Variants in LECT2 observed in about 807,000 individuals in gnomAD.
The protein encoded by LECT2 is leukocyte cell derived chemotaxin 2, also known as leukocyte cell-derived chemotaxin-2.
In LECT2, 11 loss-of-function variants were observed where a neutral mutation model predicts 16.6. That is an observed-to-expected ratio of 0.66 (90% CI 0.42 to 1.09). The LOEUF is 1.09. Ranked by LOEUF, LECT2 falls within the 50% of genes least tolerant of loss-of-function variation. LECT2 has a pLI of 0.00. For missense variants in LECT2, 173 were observed against 184.2 expected (o/e 0.94, Z 0.35); for synonymous variants, 54 against 64.8 (o/e 0.83, Z 0.80).
chr5:135,952,790 A>G, intron 2 of LECT2, 81 bp downstream of exon 2: 2 of 919,140 alleles, frequency 2.2e-6, no homozygotes, highest in South Asian at 1.4e-5. Context: ...TGAGCCCTTG[A>G]GGCAACCAAC....
At chr5:135,950,895 T>A (rs765182266) in intron 3 of LECT2, 12 of 374,114 alleles carry the variant, frequency 3.2e-5, no homozygotes, top group Non-Finnish European at 4.8e-6. Flanking sequence ...TGGTGAAACG[T>A]CCTTGAAAGT....
intron 2 of LECT2, among the ~76,000 whole-genome samples, chr5:135,951,765 A>G (rs539800589): frequency 1.3e-5 from 2 of 152,268 alleles, no homozygotes; most frequent in African/African-American, 4.8e-5. Flanking sequence ...AAAGTATCAC[A>G]TGTTACCCTA....
rs1580671583 is a variant in LECT2 at position 135,947,263 on chromosome 5, G to T, written c.*68C>A. On this transcript the variant is annotated 3_prime_UTR_variant, in exon 4 of 4. Coordinates refer to ENST00000274507, the MANE Select transcript of LECT2 (RefSeq NM_002302.3). Reference sequence around the variant, plus strand: ...CCTTTGTGAACACAAATTTCTTGAAGAGAAGGGTATGCATCCAGGTTTTTA... The same window carrying T: ...CCTTTGTGAACACAAATTTCTTGAATAGAAGGGTATGCATCCAGGTTTTTA... 2 of 1,446,086 alleles carry T rather than the reference G, an allele frequency of 1.4e-6. No individual in the cohort carries two copies. Among genetic ancestry groups the T allele is most frequent in the Non-Finnish European group, 1.9e-6 (2 of 1,047,578 alleles). 89.6% of individuals were successfully genotyped at this position (1,446,086 alleles called of 1,614,324 possible).
intron 3 of LECT2, among the ~76,000 whole-genome samples, chr5:135,948,549 CAA>C (rs1479758285): frequency 2.6e-5 from 4 of 151,552 alleles, no homozygotes; most frequent in Non-Finnish European, 5.9e-5. Context: ...TAAAATATCT[CAA>C]TAATTTTTGT....
chr5:135,954,731 C>T (rs1763838213), intron 1 of LECT2, 57 bp downstream of exon 1: 2 of 1,219,770 alleles, frequency 1.6e-6, no homozygotes, highest in Admixed American at 1.7e-5. Flanking sequence ...TTTAGTCTTC[C>T]CCTGAAATCA....
At chr5:135,951,193 C>T (rs1471907976) in intron 3 of LECT2, 30 bp downstream of exon 3, 2 of 1,607,538 alleles carry the variant, frequency 1.2e-6, no homozygotes, top group African/African-American at 1.3e-5. Flanking sequence ...CTCCAGGAGG[C>T]ACCCCAGGTG....
chr5:135,951,393 G>C (rs1433418439), intron 2 of LECT2, 25 bp from the exon 3 acceptor site: 21 of 1,607,016 alleles, frequency 1.3e-5, no homozygotes, highest in Non-Finnish European at 1.7e-5. Flanking sequence ...AGAACGAACA[G>C]ACTGAGGAAC....
chr5:135,953,199 G>T (rs978882453), intron 1 of LECT2: 23 of 457,750 alleles, frequency 5.0e-5, no homozygotes, highest in Non-Finnish European at 8.6e-5. Flanking sequence ...GAGTATCAGT[G>T]AATACAATTT....
chr5:135,949,636 A>G (rs546368498), intron 3 of LECT2, among the ~76,000 whole-genome samples: 2 of 152,348 alleles, frequency 1.3e-5, no homozygotes, highest in Non-Finnish European at 2.9e-5. Context: ...GCTAGAAGTA[A>G]GGTTTACAGT....
rs888949746 is a variant in LECT2 at position 135,946,943 on chromosome 5, G to C, written c.*388C>G. 1 of 153,750 alleles carries C rather than the reference G, an allele frequency of 6.5e-6. No individual in the cohort carries two copies. The highest frequency in any genetic ancestry group is 2.4e-5 in the African/African-American group (1 of 41,400). The allele number at this position is 153,750 out of a possible 1,614,324, so 9.5% of individuals were successfully genotyped here. A position where few individuals can be genotyped will look rare whatever the true frequency, so the allele number is the denominator to read the frequency against. Reference sequence around the variant, plus strand: ...CTTGTTTATTTATCTTAGATCTTCGGGACTGAGAAATCTAAAAAATAAAAC... The same window carrying C: ...CTTGTTTATTTATCTTAGATCTTCGCGACTGAGAAATCTAAAAAATAAAAC... On this transcript the variant is annotated 3_prime_UTR_variant, in exon 4 of 4. Transcript: ENST00000274507.
At chr5:135,951,459 C>T (rs1468172926) in intron 2 of LECT2, 91 bp from the exon 3 acceptor site, 14 of 1,240,692 alleles carry the variant, frequency 1.1e-5, no homozygotes, top group African/African-American at 7.5e-5. Flanking sequence ...TGTTTGCAGA[C>T]GAGGTACCAA....
chr5:135,947,574 CAA>C, intron 3 of LECT2, 77 bp from the exon 4 acceptor site: 1 of 1,334,498 alleles, frequency 7.5e-7, no homozygotes, highest in Non-Finnish European at 9.8e-7. Flanking sequence ...AACAAATGGA[CAA>C]AAAATAAAAA....
Position 135,950,871 on chromosome 5 carries a change from G to A in LECT2, c.289+352C>T, listed in dbSNP as rs138224195. 122 of 341,898 alleles carry A rather than the reference G, an allele frequency of 3.6e-4. 3 individuals are homozygous for A. Among genetic ancestry groups the A allele is most frequent in the African/African-American group, 2.3e-3 (112 of 47,716 alleles). 21.2% of individuals were successfully genotyped at this position (341,898 alleles called of 1,614,324 possible). The stretch of plus-strand genomic sequence containing the variant: ...CGTGAAGTGTGTGCATGAAGCAGAA[G>A]TTTTCAGAGAAAATGGTGAAACGTC... On this transcript the variant is annotated intron_variant, in intron 3 of 3. Coordinates refer to ENST00000274507, the MANE Select transcript of LECT2 (RefSeq NM_002302.3).
chr5:135,947,525 T>A (rs768265588), intron 3 of LECT2, 28 bp from the exon 4 acceptor site: 5 of 1,539,050 alleles, frequency 3.2e-6, no homozygotes, highest in East Asian at 4.5e-5. Flanking sequence ...TAATTATTTA[T>A]CTGGGCTTCA....
chr5:135,954,345 C>G (rs576837172), intron 1 of LECT2, among the ~76,000 whole-genome samples: 132 of 152,338 alleles, frequency 8.7e-4, no homozygotes, highest in African/African-American at 3.1e-3. Flanking sequence ...AGGCAAATAT[C>G]AGACAGTGTA....
intron 1 of LECT2, among the ~76,000 whole-genome samples, chr5:135,953,692 G>A (rs1159796320): frequency 6.6e-6 from 1 of 152,098 alleles, no homozygotes; most frequent in African/African-American, 2.4e-5. Context: ...ATTTTGAAAT[G>A]GTTAGTTCCA....
intron 2 of LECT2, 200 bp from the exon 3 acceptor site, chr5:135,951,568 A>T (rs1763797814): frequency 2.0e-6 from 1 of 498,820 alleles, no homozygotes; most frequent in African/African-American, 1.9e-5. Flanking sequence ...TAACCATATC[A>T]TAAAGATGAA....
chr5:135,949,092 A>G (rs1763748776), intron 3 of LECT2, among the ~76,000 whole-genome samples: 1 of 152,190 alleles, frequency 6.6e-6, no homozygotes, highest in Non-Finnish European at 1.5e-5. Context: ...AAAGATGTGC[A>G]AGACCTCTAC....
intron 3 of LECT2, among the ~76,000 whole-genome samples, chr5:135,948,788 C>T (rs1763741901): frequency 6.6e-6 from 1 of 151,760 alleles, no homozygotes; most frequent in Admixed American, 6.6e-5. Flanking sequence ...CATTCTCCTG[C>T]CTCAGCCTCC....
Sources: gnomAD v4.1 joint callset for allele counts (sites outside exome capture counted in the v4.1 genomes callset) on GRCh38, gnomAD v4.1.1 for gene constraint, MANE v1.5 for transcripts, NCBI Gene and HGNC (gene_info 2026-07-23, HGNC 2026-07-21) for gene names.